The following PHACTR2 variants were observed in gnomAD, a reference collection of about 807,000 sequenced individuals.
PHACTR2 encodes the protein chromosome 6 open reading frame 56.
A neutral mutation model predicts 76.0 loss-of-function variants in PHACTR2; 30 were observed. The ratio of observed to expected loss-of-function variants is 0.39; its 90% CI spans 0.30 to 0.54. PHACTR2 has a LOEUF of 0.54. PHACTR2 is among the 20% of genes least tolerant of loss of function. PHACTR2 has a pLI of 0.61. For synonymous variants in PHACTR2, 292 were observed against 292.5 expected (o/e 1.00, Z 0.02); for missense variants, 696 against 781.1 (o/e 0.89, Z 1.30).
chr6:143,747,367 A>G (rs561768596), intron 2 of PHACTR2, among the ~76,000 whole-genome samples: 2 of 152,364 alleles, frequency 1.3e-5, no homozygotes, highest in African/African-American at 4.8e-5. Flanking sequence ...GAAGACTTTC[A>G]TGCACTTACT....
In PHACTR2 at chr6:143,755,329, T is replaced by C. The variant is rs1408923607; in HGVS notation, c.454+1417T>C. ...GACTGTTGAATTTCAAATCCATCTG[T>C]GGTTTGTCCCTGGCAGCCTTCTCAC... On this transcript the variant is annotated intron_variant, in intron 4 of 12. Coordinates refer to ENST00000440869, the MANE Select transcript of PHACTR2 (RefSeq NM_001100164.2). The surrounding 1 kb of genome is among the most constrained non-coding windows in gnomAD (Gnocchi z 5.2). 2.2e-6 allele frequency: 1 copy of C among 455,942 alleles called. No homozygotes were observed. The highest frequency in any genetic ancestry group is 4.4e-6 in the Non-Finnish European group (1 of 226,810). The allele number at this position is 455,942 out of a possible 1,614,324, so 28.2% of individuals were successfully genotyped here. A position where few individuals can be genotyped will look rare whatever the true frequency, so the allele number is the denominator to read the frequency against.
rs1296693508 is a variant in PHACTR2, at chr6:143,684,151, C to G, written c.46+5942C>G. ...ATGAACATCCATATCTATGACCTCTCTCTGCACTCCAGGCTCAAATATGCA... is the reference window on the plus strand; with the variant it reads ...ATGAACATCCATATCTATGACCTCTGTCTGCACTCCAGGCTCAAATATGCA... On this transcript the variant is annotated intron_variant, in intron 1 of 12. Coordinates refer to ENST00000440869, the MANE Select transcript of PHACTR2 (RefSeq NM_001100164.2). The surrounding 1 kb of genome is among the most constrained non-coding windows in gnomAD (Gnocchi z 4.3). Among the ~76,000 whole-genome samples the G allele has an allele frequency of 6.6e-6, 1 of 152,118 alleles. No individual in the cohort carries two copies. The highest frequency in any genetic ancestry group is 2.4e-5 in the African/African-American group (1 of 41,420).
chr6:143,608,338 A>G lies in PHACTR2; in HGVS notation c.13+16A>G. 6.2e-7 allele frequency: 1 copy of G among 1,613,868 alleles called. No homozygotes were observed. Among genetic ancestry groups the G allele is most frequent in the Non-Finnish European group, 8.5e-7 (1 of 1,179,744 alleles). On this transcript the variant is annotated intron_variant, in intron 1 of 11. Transcript: ENST00000305766. This position sits in a 1 kb window ranked among gnomAD's most constrained non-coding sequence, Gnocchi z 4.6. Reference sequence around the variant, plus strand: ...GACAACGCCGGTGGGTAAATCAAGCATGAATTCTTCATAGCTGCTGGCTTC... The same window carrying G: ...GACAACGCCGGTGGGTAAATCAAGCGTGAATTCTTCATAGCTGCTGGCTTC...
intron 11 of PHACTR2, among the ~76,000 whole-genome samples, chr6:143,790,347 C>G (rs576778389): frequency 6.6e-6 from 1 of 151,710 alleles, no homozygotes; most frequent in African/African-American, 2.4e-5. Flanking sequence ...AACATACAGG[C>G]GGAAAAGTCA....
Position 143,823,541 on chromosome 6 carries a change from T to G in PHACTR2, c.1923-133T>G. On this transcript the variant is annotated intron_variant, in intron 12 of 12. Transcript: ENST00000440869. The surrounding 1 kb of genome is among the most constrained non-coding windows in gnomAD (Gnocchi z 5.7). ...AACAGTATTTTGTTATGACAGAAAT[T>G]TGTAAACAGTAATTCAGTTGGGGGA... 1 of 623,428 alleles carries G rather than the reference T, an allele frequency of 1.6e-6. No individual in the cohort carries two copies. The highest frequency in any genetic ancestry group is 2.9e-6 in the Non-Finnish European group (1 of 339,476). 38.6% of individuals were successfully genotyped at this position (623,428 alleles called of 1,614,324 possible).
rs781363967 is a variant in PHACTR2 at position 143,700,322 on chromosome 6, A to G, written c.47-11694A>G. Among the ~76,000 whole-genome samples the G allele has an allele frequency of 1.3e-5, 2 of 152,134 alleles. No individual in the cohort carries two copies. Among genetic ancestry groups the G allele is most frequent in the Non-Finnish European group, 2.9e-5 (2 of 68,022 alleles). ...GTAAACCAAACACTTTGGGAGGCTG[A>G]GGTGGGCGGATCACTTGAGCTTAGG... is the stretch of plus-strand genomic sequence containing the variant. On this transcript the variant is annotated intron_variant, in intron 1 of 12. Coordinates refer to ENST00000440869, the MANE Select transcript of PHACTR2 (RefSeq NM_001100164.2). The surrounding 1 kb of genome is among the most constrained non-coding windows in gnomAD (Gnocchi z 4.1).
intron 11 of PHACTR2, among the ~76,000 whole-genome samples, chr6:143,799,746 A>G (rs1775911992): frequency 6.6e-6 from 1 of 152,208 alleles, no homozygotes; most frequent in Non-Finnish European, 1.5e-5. Flanking sequence ...CTGTGGTCTG[A>G]GAGACAGTTT....
intron 1 of PHACTR2, among the ~76,000 whole-genome samples, chr6:143,612,344 T>A (rs1226774790): frequency 6.6e-6 from 1 of 152,170 alleles, no homozygotes; most frequent in Admixed American, 6.6e-5. Context: ...TTCAAAACCT[T>A]AGCAGCCCAG....
At chr6:143,723,037 C>T (rs1778479084) in intron 2 of PHACTR2, among the ~76,000 whole-genome samples, 1 of 152,136 alleles carries the variant, frequency 6.6e-6, no homozygotes, top group Non-Finnish European at 1.5e-5. Flanking sequence ...TTGATGGACA[C>T]TTAGGTTGAT....
intron 1 of PHACTR2, among the ~76,000 whole-genome samples, chr6:143,701,595 A>G (rs1242433480): frequency 6.6e-6 from 1 of 152,034 alleles, no homozygotes; most frequent in East Asian, 1.9e-4. Context: ...CCCACCCACT[A>G]CCCTCCTCCC....
At chr6:143,584,980 TAA>T (rs34747367) in intron 1 of PHACTR2, among the ~76,000 whole-genome samples, 2,122 of 138,430 alleles carry the variant, frequency 0.015, 43 homozygotes, top group African/African-American at 0.044. Context: ...CTACCCAGAT[TAA>T]AAAAAAAAAA....
At chr6:143,792,401 TTCCA>T (rs1232731466) in intron 11 of PHACTR2, among the ~76,000 whole-genome samples, 3 of 152,140 alleles carry the variant, frequency 2.0e-5, no homozygotes, top group Non-Finnish European at 2.9e-5. Context: ...GCAAGGTTTC[TTCCA>T]TCCTCCTTTC....
Position 143,807,226 on chromosome 6 carries a change from A to T in PHACTR2, c.1922+93A>T. Reference sequence around the variant, plus strand: ...AAAAAGAAATTGCTTACAATGGTAAATTTTATGATAGGTATATTTCATCAC... The same window carrying T: ...AAAAAGAAATTGCTTACAATGGTAATTTTTATGATAGGTATATTTCATCAC... On this transcript the variant is annotated intron_variant, in intron 12 of 12. Transcript: ENST00000440869. The surrounding 1 kb of genome is among the most constrained non-coding windows in gnomAD (Gnocchi z 5.5). 2.8e-6 allele frequency: 2 copies of T among 718,856 alleles called. No individual in the cohort carries two copies. Among genetic ancestry groups the T allele is most frequent in the Non-Finnish European group, 4.9e-6 (2 of 412,132 alleles). The allele number at this position is 718,856 out of a possible 1,614,324, so 44.5% of individuals were successfully genotyped here. A position where few individuals can be genotyped will look rare whatever the true frequency, so the allele number is the denominator to read the frequency against.
At position 143,627,732 on chromosome 6, in the gene PHACTR2, G is replaced by T. The variant is rs1562252411; in HGVS notation, c.13+19410G>T. Among the ~76,000 whole-genome samples the T allele has an allele frequency of 1.3e-5, 2 of 151,902 alleles. No individual in the cohort carries two copies. Among genetic ancestry groups the T allele is most frequent in the South Asian group, 4.2e-4 (2 of 4,808 alleles). ...TTCTCCTGCCTCAGCCTCTCTAGTAGCTGGGACTACAGGCTCGTACCGCCA... is the reference window on the plus strand; with the variant it reads ...TTCTCCTGCCTCAGCCTCTCTAGTATCTGGGACTACAGGCTCGTACCGCCA... On this transcript the variant is annotated intron_variant, in intron 1 of 11. Coordinates refer to the PHACTR2 transcript ENST00000305766. This position sits in a 1 kb window ranked among gnomAD's most constrained non-coding sequence, Gnocchi z 4.3.
In PHACTR2 at chr6:143,757,963, G is replaced by GCGCA. The variant is rs1554226123; in HGVS notation, c.455-2437_455-2436insGCAC. Among the ~76,000 whole-genome samples, 4 of 131,542 alleles carry GCGCA rather than the reference G, an allele frequency of 3.0e-5. No homozygotes were observed. The highest frequency in any genetic ancestry group is 9.2e-5 in the African/African-American group (3 of 32,764). The allele number at this position is 131,542 out of a possible 152,430, so 86.3% of individuals were successfully genotyped here. On this transcript the variant is annotated intron_variant, in intron 4 of 12. Transcript: ENST00000440869. This position sits in a 1 kb window ranked among gnomAD's most constrained non-coding sequence, Gnocchi z 4.2. ...CGTGTGTGTGCATGCACACGTGCGC[G>GCGCA]CACACACACACACACACACACACAC...
intron 2 of PHACTR2, among the ~76,000 whole-genome samples, chr6:143,747,563 C>T (rs1171217744): frequency 6.6e-6 from 1 of 152,146 alleles, no homozygotes; most frequent in Non-Finnish European, 1.5e-5. Flanking sequence ...TTAGTTGAAA[C>T]GATGTTGTCT....
At chr6:143,719,568 T>C (rs975205237) in intron 2 of PHACTR2, among the ~76,000 whole-genome samples, 6 of 149,650 alleles carry the variant, frequency 4.0e-5, no homozygotes, top group African/African-American at 1.5e-4. Flanking sequence ...CAGGCTGGTC[T>C]TGAACTCCTG....
In PHACTR2 at chr6:143,754,601, T is replaced by C. The variant is rs184939178; in HGVS notation, c.454+689T>C. Among the ~76,000 whole-genome samples the C allele has an allele frequency of 7.9e-5, 12 of 152,264 alleles. No homozygotes were observed. The highest frequency in any genetic ancestry group is 3.4e-3 in the Middle Eastern group (1 of 294). ...ACAGTAGATTGAGATACCTGCAAAA[T>C]ACATGTCTATCAGGGACTCCCAGAA... On this transcript the variant is annotated intron_variant, in intron 4 of 12. Transcript: ENST00000440869. The surrounding 1 kb of genome is among the most constrained non-coding windows in gnomAD (Gnocchi z 6.2).
chr6:143,577,074 A>G (rs574798420), intron 1 of PHACTR2, among the ~76,000 whole-genome samples: 1 of 152,162 alleles, frequency 6.6e-6, no homozygotes, highest in African/African-American at 2.4e-5. Flanking sequence ...ATTTACCCTT[A>G]TAATTAGATG....
Sources: allele counts gnomAD v4.1 joint callset (sites outside exome capture counted in the v4.1 genomes callset), GRCh38; gene constraint gnomAD v4.1.1; non-coding constraint Gnocchi (gnomAD v3.1); transcripts MANE v1.5; gene names NCBI Gene and HGNC (gene_info 2026-07-23, HGNC 2026-07-21).